The following SRGAP1 variants were observed in gnomAD, a reference collection of about 807,000 sequenced individuals.
The protein encoded by SRGAP1 is SLIT-ROBO Rho GTPase activating protein 1, also known as SLIT-ROBO Rho GTPase-activating protein 1.
SRGAP1 carries 43 observed loss-of-function variants against 121.9 expected under a neutral mutation model. That is an observed-to-expected ratio of 0.35 (90% confidence interval 0.28 to 0.46). The LOEUF (loss-of-function observed/expected upper bound fraction) is 0.46. Among genes scored for constraint, SRGAP1 ranks in the 20% least tolerant of loss-of-function variants. The pLI, the probability that SRGAP1 is intolerant of heterozygous loss-of-function variation, is 1.00. For synonymous variants in SRGAP1, 447 were observed against 485.4 expected, an observed-to-expected ratio of 0.92 and a Z score of 1.04; for missense variants, 1,102 against 1,350.9, an observed-to-expected ratio of 0.82 and a Z score of 2.89.
chr12:63,857,161 C>T (rs1207945839), intron 1 of SRGAP1, among the ~76,000 whole-genome samples: 5 of 151,374 alleles, frequency 3.3e-5, no homozygotes, highest in African/African-American at 1.2e-4. Flanking sequence ...CCCACTGCAA[C>T]CTCCGCCTCC....
intron 1 of SRGAP1, among the ~76,000 whole-genome samples, chr12:63,866,351 A>G (rs900471246): frequency 1.3e-5 from 2 of 152,192 alleles, no homozygotes; most frequent in Non-Finnish European, 2.9e-5. Flanking sequence ...TGTGTTGTTG[A>G]TATTGTGAGT....
chr12:63,910,537 G>T (rs2030443243), intron 1 of SRGAP1, among the ~76,000 whole-genome samples: 1 of 152,108 alleles, frequency 6.6e-6, no homozygotes, highest in African/African-American at 2.4e-5. Flanking sequence ...TTTTGATCTT[G>T]CAAGCATTGG....
intron 1 of SRGAP1, among the ~76,000 whole-genome samples, chr12:63,878,202 G>A (rs573800812): frequency 7.2e-5 from 11 of 152,268 alleles, no homozygotes; most frequent in African/African-American, 2.6e-4. Flanking sequence ...TGCTTTATTG[G>A]TATAAAGCAA....
At chr12:64,002,029 A>G (rs1487450827) in intron 3 of SRGAP1, among the ~76,000 whole-genome samples, 1 of 152,236 alleles carries the variant, frequency 6.6e-6, no homozygotes, top group Non-Finnish European at 1.5e-5. Flanking sequence ...AATTCCGTCA[A>G]ATTGGCATTA....
intron 15 of SRGAP1, 65 bp downstream of exon 15, chr12:64,097,440 G>T: frequency 2.5e-6 from 4 of 1,569,330 alleles, no homozygotes; most frequent in Non-Finnish European, 3.5e-6. Flanking sequence ...TCCTGGAAAA[G>T]GCAGTGGCCC....
At chr12:64,032,520 G>A in intron 4 of SRGAP1, 1 of 1,210,746 alleles carries the variant, frequency 8.3e-7, no homozygotes, top group Non-Finnish European at 1.2e-6. Flanking sequence ...GAGCAGGCCT[G>A]GGCCAGCACA....
At chr12:63,909,951 T>C (rs1280027883) in intron 1 of SRGAP1, among the ~76,000 whole-genome samples, 1 of 152,256 alleles carries the variant, frequency 6.6e-6, no homozygotes, top group Non-Finnish European at 1.5e-5. Context: ...TAATCTGCTT[T>C]ACTTAAAGTC....
chr12:63,895,484 T>C (rs1475383061), intron 1 of SRGAP1, among the ~76,000 whole-genome samples: 1 of 152,238 alleles, frequency 6.6e-6, no homozygotes, highest in Non-Finnish European at 1.5e-5. Context: ...AGAGCAGATA[T>C]ATAACATTGC....
Position 63,945,956 on chromosome 12 carries a change from T to TCTGGTTCACCCACACATACCTTCCTAC in SRGAP1, c.68-37941_68-37915dup, listed in dbSNP as rs1218061521. Among the ~76,000 whole-genome samples the TCTGGTTCACCCACACATACCTTCCTAC allele has an allele frequency of 2.2e-3, 331 of 150,398 alleles. 3 individuals carry two copies. The highest frequency in any genetic ancestry group is 4.0e-3 in the African/African-American group (165 of 40,752). ...TAGTTCACCCACACATACCTTCCTATCTGGTTCACCCACACATACCTTCCT... is the reference window on the plus strand; with the variant it reads ...TAGTTCACCCACACATACCTTCCTATCTGGTTCACCCACACATACCTTCCTACCTGGTTCACCCACACATACCTTCCT... On this transcript the variant is annotated intron_variant, in intron 1 of 21. Coordinates refer to ENST00000355086, the MANE Select transcript of SRGAP1 (RefSeq NM_020762.4).
chr12:63,891,031 C>T (rs1047043336), intron 1 of SRGAP1, among the ~76,000 whole-genome samples: 1 of 152,186 alleles, frequency 6.6e-6, no homozygotes, highest in Non-Finnish European at 1.5e-5. Context: ...TTCTAGACAC[C>T]TTCTTTTTAT....
At chr12:63,845,996 C>A (rs1431473766) in intron 1 of SRGAP1, among the ~76,000 whole-genome samples, 1 of 152,148 alleles carries the variant, frequency 6.6e-6, no homozygotes, top group Non-Finnish European at 1.5e-5. Context: ...GCCTGGAGTC[C>A]TGTGAGAGGA....
chr12:63,970,736 T>A (rs1208410534), intron 1 of SRGAP1, among the ~76,000 whole-genome samples: 1 of 152,156 alleles, frequency 6.6e-6, no homozygotes. Flanking sequence ...AACTGCCCCC[T>A]CCCTTATCAA....
chr12:63,988,841 C>T (rs1046839777), intron 2 of SRGAP1, among the ~76,000 whole-genome samples: 46 of 152,292 alleles, frequency 3.0e-4, no homozygotes, highest in African/African-American at 1.0e-3. Context: ...GACAGAGTCT[C>T]GCCCTGTCGC....
intron 1 of SRGAP1, among the ~76,000 whole-genome samples, chr12:63,880,404 G>A (rs1398872714): frequency 6.6e-6 from 1 of 151,968 alleles, no homozygotes; most frequent in African/African-American, 2.4e-5. Flanking sequence ...ACTAATTTTT[G>A]TATTTTTAGT....
At chr12:63,949,400 TTATTA>T (rs1565964890) in intron 1 of SRGAP1, among the ~76,000 whole-genome samples, 655 of 13,552 alleles carry the variant, frequency 0.048, 3 homozygotes, top group South Asian at 0.15. Flanking sequence ...TTATTATTTA[TTATTA>T]TTATTATTAT....
intron 1 of SRGAP1, among the ~76,000 whole-genome samples, chr12:63,846,882 A>G (rs1248641959): frequency 6.6e-6 from 1 of 152,268 alleles, no homozygotes; most frequent in Non-Finnish European, 1.5e-5. Flanking sequence ...ACTTCTAGGC[A>G]AATCAAGAAG....
At chr12:63,871,769 C>T in intron 1 of SRGAP1, 1 of 1,243,616 alleles carries the variant, frequency 8.0e-7, no homozygotes, top group Non-Finnish European at 1.2e-6. Context: ...CCTTTCTTTT[C>T]TTATATCCTC....
At chr12:64,049,869 A>C (rs1341406813) in intron 6 of SRGAP1, among the ~76,000 whole-genome samples, 1 of 152,114 alleles carries the variant, frequency 6.6e-6, no homozygotes, top group Non-Finnish European at 1.5e-5. Flanking sequence ...GGCTTTGGCT[A>C]CTGGAGGTTT....
chr12:64,127,504 G>T (rs563919735), intron 19 of SRGAP1, 86 bp from the exon 20 acceptor site: 4 of 1,352,814 alleles, frequency 3.0e-6, no homozygotes, highest in Non-Finnish European at 4.0e-6. Context: ...ATGCTATCAC[G>T]TAAATTTTCA....
Sources: allele counts gnomAD v4.1 joint callset (sites outside exome capture counted in the v4.1 genomes callset), GRCh38; gene constraint gnomAD v4.1.1; transcripts MANE v1.5; gene names NCBI Gene and HGNC (gene_info 2026-07-23, HGNC 2026-07-21).